EVI5: variants seen among roughly 807,000 people sequenced by gnomAD.
EVI5 encodes the protein ecotropic viral integration site 5, also known as ecotropic viral integration site 5 protein homolog.
A neutral mutation model predicts 112.0 loss-of-function variants in EVI5; 73 were observed. The observed-to-expected ratio is 0.65, with a 90% CI of 0.54 to 0.79. The LOEUF is 0.79. Ranked by LOEUF, EVI5 falls within the 30% of genes least tolerant of loss-of-function variation. EVI5 has a pLI of 0.00. For missense variants in EVI5, 900 were observed against 968.8 expected (o/e 0.93, Z 0.94); for synonymous variants, 305 against 319.9 (o/e 0.95, Z 0.50).
intron 16 of EVI5, among the ~76,000 whole-genome samples, chr1:92,620,346 CAA>C (rs541900960): frequency 9.6e-5 from 6 of 62,618 alleles, no homozygotes; most frequent in Non-Finnish European, 1.9e-4. Flanking sequence ...AACTCCATCT[CAA>C]AAAAAAAAAA....
intron 1 of EVI5, among the ~76,000 whole-genome samples, chr1:92,778,168 A>G (rs1404031955): frequency 6.6e-6 from 1 of 152,118 alleles, no homozygotes; most frequent in Non-Finnish European, 1.5e-5. Context: ...CAGCCTCCCA[A>G]AGGGCTGGGA....
intron 19 of EVI5, among the ~76,000 whole-genome samples, chr1:92,534,459 G>A (rs1663459048): frequency 6.6e-6 from 1 of 152,130 alleles, no homozygotes; most frequent in Non-Finnish European, 1.5e-5. Context: ...CCAAAAAAGA[G>A]CCCGTATAGC....
chr1:92,568,154 C>CT lies in EVI5; in HGVS notation c.2071-4418dup, dbSNP rs544645314. ...TTTCAGAGGCCAAGGTGGAAGACTG[C>CT]TTGAGCCCACGAGTTCAAAACCAGC... On this transcript the variant is annotated intron_variant, in intron 18 of 19. Coordinates refer to ENST00000684568, the MANE Select transcript of EVI5 (RefSeq NM_001350197.2). Among the ~76,000 whole-genome samples the CT allele has an allele frequency of 1.3e-4, 20 of 152,044 alleles. 1 individual carries two copies. Among genetic ancestry groups the CT allele is most frequent in the African/African-American group, 4.8e-4 (20 of 41,500 alleles).
chr1:92,778,058 G>T (rs34843292), intron 1 of EVI5, among the ~76,000 whole-genome samples: 1 of 151,780 alleles, frequency 6.6e-6, no homozygotes, highest in South Asian at 2.1e-4. Flanking sequence ...ACAGGCGCAC[G>T]CCACCACGCA....
At chr1:92,607,917 G>A (rs181060832) in intron 16 of EVI5, among the ~76,000 whole-genome samples, 190 bp from the exon 17 acceptor site, 5 of 152,008 alleles carry the variant, frequency 3.3e-5, no homozygotes, top group African/African-American at 7.2e-5. Flanking sequence ...AGGCTGAGGC[G>A]GGCGGATCAC....
At chr1:92,588,608 A>G (rs1673187914) in intron 18 of EVI5, among the ~76,000 whole-genome samples, 1 of 152,230 alleles carries the variant, frequency 6.6e-6, no homozygotes, top group South Asian at 2.1e-4. Flanking sequence ...TCACACCATA[A>G]GATTTATTTT....
chr1:92,522,631 CAAAAAAAAA>C (rs61277173), intron 19 of EVI5, among the ~76,000 whole-genome samples: 3 of 70,510 alleles, frequency 4.3e-5, no homozygotes, highest in East Asian at 5.0e-4. Flanking sequence ...ACTCCATCTC[CAAAAAAAAA>C]AAAAAAAAAA....
intron 18 of EVI5, among the ~76,000 whole-genome samples, chr1:92,583,235 G>A (rs377270795): frequency 4.6e-5 from 7 of 151,918 alleles, no homozygotes; most frequent in Admixed American, 2.0e-4. Context: ...GGGGTCAGGC[G>A]CGGTGGCTCA....
At chr1:92,599,929 T>C (rs951917688) in intron 18 of EVI5, among the ~76,000 whole-genome samples, 2 of 152,136 alleles carry the variant, frequency 1.3e-5, no homozygotes, top group Admixed American at 1.3e-4. Context: ...ATTTAAAAGG[T>C]AGTCAATGAA....
At chr1:92,563,768 CAA>C (rs770803575) in intron 18 of EVI5, 31 bp from the exon 19 acceptor site, 335 of 1,434,258 alleles carry the variant, frequency 2.3e-4, no homozygotes, top group Admixed American at 4.8e-4. Flanking sequence ...AAAGCAAAAA[CAA>C]GAGGCAATTT....
intron 16 of EVI5, among the ~76,000 whole-genome samples, chr1:92,623,379 A>C (rs1013125314): frequency 6.6e-6 from 1 of 152,212 alleles, no homozygotes; most frequent in Non-Finnish European, 1.5e-5. Context: ...GTATGAGTTA[A>C]GTATGCCCCC....
rs377682928 is a variant in EVI5 at position 92,670,626 on chromosome 1, T to G, written c.1159-4634A>C. Among the ~76,000 whole-genome samples the G allele has an allele frequency of 3.6e-4, 55 of 152,338 alleles. 1 individual carries two copies. Among genetic ancestry groups the G allele is most frequent in the African/African-American group, 1.2e-3 (51 of 41,586 alleles). Reference sequence around the variant, plus strand: ...AAACCATGACGTTTATTTAAATTACTGATCACTAAATTCAATATGGTTCTT... The same window carrying G: ...AAACCATGACGTTTATTTAAATTACGGATCACTAAATTCAATATGGTTCTT... On this transcript the variant is annotated intron_variant, in intron 10 of 19. Coordinates refer to ENST00000684568, the MANE Select transcript of EVI5 (RefSeq NM_001350197.2).
At chr1:92,718,225 A>T (rs2102672710) in intron 2 of EVI5, among the ~76,000 whole-genome samples, 1 of 152,276 alleles carries the variant, frequency 6.6e-6, no homozygotes, top group Middle Eastern at 3.4e-3. Context: ...TCCACTGCAA[A>T]TCAACAGAAT....
chr1:92,721,573 T>C (rs1360977004), intron 2 of EVI5, among the ~76,000 whole-genome samples: 1 of 152,158 alleles, frequency 6.6e-6, no homozygotes, highest in East Asian at 1.9e-4. Context: ...AAATACCTAA[T>C]GTAAACGATG....
chr1:92,633,556 CTG>C (rs869162292), intron 14 of EVI5, among the ~76,000 whole-genome samples: 5 of 152,130 alleles, frequency 3.3e-5, no homozygotes, highest in Non-Finnish European at 7.3e-5. Flanking sequence ...TATTTTGAGC[CTG>C]TGTGTGTCTT....
chr1:92,533,078 T>C (rs186336474), intron 19 of EVI5, among the ~76,000 whole-genome samples: 170 of 128,160 alleles, frequency 1.3e-3, no homozygotes, highest in African/African-American at 4.8e-3. Flanking sequence ...AAGAATCAAA[T>C]AGGTGCAATA....
intron 11 of EVI5, among the ~76,000 whole-genome samples, chr1:92,664,718 T>TA (rs1440706316): frequency 6.6e-6 from 1 of 152,252 alleles, no homozygotes; most frequent in East Asian, 1.9e-4. Context: ...AGACATGTAA[T>TA]AAATATCCTG....
rs1055367031 is a variant in EVI5, at chr1:92,678,259, G to C, written c.1098-1041C>G. Among the ~76,000 whole-genome samples the C allele has an allele frequency of 2.6e-5, 4 of 152,136 alleles. 1 individual carries two copies. Among genetic ancestry groups the C allele is most frequent in the Admixed American group, 2.6e-4 (4 of 15,254 alleles). The stretch of plus-strand genomic sequence containing the variant: ...TAATTTAAAACATGACACTGACCAC[G>C]GTGGATCATGCCTCTAATCCCAGCA... On this transcript the variant is annotated intron_variant, in intron 9 of 19. Transcript: ENST00000684568.
intron 19 of EVI5, among the ~76,000 whole-genome samples, chr1:92,543,994 AAAAT>A (rs1349259997): frequency 6.6e-6 from 1 of 152,228 alleles, no homozygotes; most frequent in Non-Finnish European, 1.5e-5. Flanking sequence ...TTAGGTGACA[AAAAT>A]AAATAAAAGC....
Sources: allele counts gnomAD v4.1 joint callset (sites outside exome capture counted in the v4.1 genomes callset), GRCh38; gene constraint gnomAD v4.1.1; transcripts MANE v1.5; gene names NCBI Gene and HGNC (gene_info 2026-07-23, HGNC 2026-07-21).